STAMBPL1: variants seen among roughly 807,000 people sequenced by gnomAD.
The protein encoded by STAMBPL1 is AMSH-like protease.
A neutral mutation model predicts 52.9 loss-of-function variants in STAMBPL1; 44 were observed. That is an observed-to-expected ratio of 0.83 (90% confidence interval 0.65 to 1.07). The LOEUF is 1.07. Among genes scored for constraint, STAMBPL1 ranks in the 50% least tolerant of loss-of-function variants. The pLI is 0.00. For missense variants in STAMBPL1, 511 were observed against 520.8 expected (o/e 0.98, Z 0.18); for synonymous variants, 164 against 177.3 (o/e 0.92, Z 0.60).
At chr10:88,893,561 G>A (rs1844739704) in intron 1 of STAMBPL1, among the ~76,000 whole-genome samples, 1 of 152,132 alleles carries the variant, frequency 6.6e-6, no homozygotes, top group South Asian at 2.1e-4. Context: ...GGCCAACATA[G>A]TGAAACCCCG....
intron 7 of STAMBPL1, among the ~76,000 whole-genome samples, chr10:88,916,027 G>C (rs547026913): frequency 6.6e-5 from 10 of 152,208 alleles, no homozygotes; most frequent in South Asian, 2.1e-4. Flanking sequence ...TGAGGATCCC[G>C]TGGCACTTCA....
chr10:88,905,512 A>G lies in STAMBPL1; in HGVS notation c.100A>G (p.Ser34Gly), dbSNP rs747647865. 4 of 1,614,154 alleles carry G rather than the reference A, an allele frequency of 2.5e-6. No homozygotes were observed. In the East Asian group the frequency reaches 8.9e-5, roughly 36 times the overall value. ...LSPEERVRAL[S>G]KLGCNITISE... is the part of the protein sequence containing the mutation. ...CCCAGAAGAGCGAGTCCGTGCCCTA[A>G]GCAAGCTTGGTTGTAATATCACCAT... Residue 34 changes from serine (S) to glycine (G), a missense_variant, in exon 3 of 11, where the codon AGC becomes GGC. Ser to Gly is a moderately conservative substitution (Grantham distance 56). Transcript: ENST00000371926.
At chr10:88,890,688 C>T (rs542592298) in intron 1 of STAMBPL1, among the ~76,000 whole-genome samples, 4 of 152,340 alleles carry the variant, frequency 2.6e-5, no homozygotes, top group Admixed American at 6.5e-5. Context: ...AGAAGCATCA[C>T]CATCTCCAAT....
intron 1 of STAMBPL1, among the ~76,000 whole-genome samples, chr10:88,885,606 C>T (rs1844512699): frequency 6.6e-6 from 1 of 152,210 alleles, no homozygotes; most frequent in South Asian, 2.1e-4. Context: ...TCCCTCCATA[C>T]TCCCAGAGTC....
chr10:88,891,086 C>T (rs11819114), intron 1 of STAMBPL1, among the ~76,000 whole-genome samples: 17,915 of 152,166 alleles, frequency 0.12, 1,164 homozygotes, highest in African/African-American at 0.16. Context: ...AGGAAAAAGG[C>T]CATTCTGCCT....
chr10:88,882,212 C>G (rs1470418111), intron 1 of STAMBPL1: 2 of 152,208 alleles, frequency 1.3e-5, no homozygotes, highest in Non-Finnish European at 2.9e-5. Flanking sequence ...AGGCCTGTTT[C>G]TTGGTACTCT....
chr10:88,886,185 C>G (rs903784030), intron 1 of STAMBPL1, among the ~76,000 whole-genome samples: 1 of 152,168 alleles, frequency 6.6e-6, no homozygotes, highest in Non-Finnish European at 1.5e-5. Context: ...TCAAGGAAAA[C>G]TAGCAATCAT....
At chr10:88,897,285 A>C (rs1844835907) in intron 1 of STAMBPL1, among the ~76,000 whole-genome samples, 1 of 152,158 alleles carries the variant, frequency 6.6e-6, no homozygotes. Context: ...GTTGGCCTCC[A>C]TGTGCTCATT....
chr10:88,888,907 C>G (rs560377476), intron 1 of STAMBPL1, among the ~76,000 whole-genome samples: 2 of 152,254 alleles, frequency 1.3e-5, no homozygotes, highest in African/African-American at 4.8e-5. Flanking sequence ...AAGTGAAAGT[C>G]CCTCATGATC....
rs773241470 is a variant in STAMBPL1, at chr10:88,908,745, T to C, written c.292T>C (p.Cys98Arg). 9 of 1,609,178 alleles carry C rather than the reference T, an allele frequency of 5.6e-6. No individual in the cohort carries two copies. Among genetic ancestry groups the C allele is most frequent in the Non-Finnish European group, 7.6e-6 (9 of 1,178,376 alleles). Residue 98 changes from cysteine to arginine, a missense_variant, in exon 4 of 11, where the codon TGT becomes CGT. Around this residue, in one of 3 missense-constraint regions of STAMBPL1, gnomAD observed 358 missense variants for 343.5 expected, o/e 1.04. Transcript: ENST00000371926. ...TCCTAACCATCGAGATTACCAGCAA[T>C]GTGCAGTACCTGAAAAGCAGGATAT... ...KLPNHRDYQQ[C>R]AVPEKQDIMK...
intron 7 of STAMBPL1, among the ~76,000 whole-genome samples, chr10:88,915,851 C>T (rs1470522908): frequency 1.3e-5 from 2 of 152,134 alleles, no homozygotes; most frequent in Non-Finnish European, 1.5e-5. Context: ...CTGAAGAATA[C>T]ATAAAGGAGG....
intron 3 of STAMBPL1, 24 bp from the exon 4 acceptor site, chr10:88,908,678 A>G: frequency 6.3e-7 from 1 of 1,595,936 alleles, no homozygotes; most frequent in Non-Finnish European, 8.5e-7. Context: ...ACATAATGCT[A>G]AGGACATGTT....
intron 1 of STAMBPL1, among the ~76,000 whole-genome samples, chr10:88,886,938 C>T (rs1421059767): frequency 6.6e-6 from 1 of 152,198 alleles, no homozygotes; most frequent in African/African-American, 2.4e-5. Context: ...TTTATCCTGT[C>T]ACTACAACTG....
At chr10:88,897,964 G>A (rs1844853525) in intron 1 of STAMBPL1, among the ~76,000 whole-genome samples, 1 of 152,222 alleles carries the variant, frequency 6.6e-6, no homozygotes, top group African/African-American at 2.4e-5. Context: ...TAAGACCACA[G>A]TAGCACAAAT....
chr10:88,910,873 A>T (rs1393425851), intron 4 of STAMBPL1, 43 bp from the exon 5 acceptor site: 1 of 1,390,908 alleles, frequency 7.2e-7, no homozygotes, highest in Non-Finnish European at 9.8e-7. Context: ...GAAAGAGTGT[A>T]TTGAAAATCC....
chr10:88,900,216 ATCTACT>A (rs1398978212), intron 1 of STAMBPL1, among the ~76,000 whole-genome samples: 4 of 152,172 alleles, frequency 2.6e-5, no homozygotes, highest in Admixed American at 2.6e-4. Context: ...CTGTTGATTG[ATCTACT>A]TCTGAGATTT....
intron 8 of STAMBPL1, among the ~76,000 whole-genome samples, chr10:88,920,589 A>G (rs960064698): frequency 6.6e-6 from 1 of 152,232 alleles, no homozygotes; most frequent in African/African-American, 2.4e-5. Context: ...ATATTCAAAT[A>G]TGAACCTCCG....
At chr10:88,902,604 C>G (rs1844972445) in intron 2 of STAMBPL1, among the ~76,000 whole-genome samples, 1 of 151,848 alleles carries the variant, frequency 6.6e-6, no homozygotes. Flanking sequence ...GAGTCTCGCT[C>G]TGTCACTCAG....
At chr10:88,892,590 A>ACT (rs1844716140) in intron 1 of STAMBPL1, among the ~76,000 whole-genome samples, 1 of 152,194 alleles carries the variant, frequency 6.6e-6, no homozygotes, top group Non-Finnish European at 1.5e-5. Flanking sequence ...ACTCTTTAAA[A>ACT]TGGATTGCCA....
Sources: gnomAD v4.1 joint callset for allele counts (sites outside exome capture counted in the v4.1 genomes callset) on GRCh38, gnomAD v4.1.1 for gene constraint, gnomAD v4.1.1 regional missense constraint, MANE v1.5 for transcripts, NCBI Gene and HGNC (gene_info 2026-07-23, HGNC 2026-07-21) for gene names.